The following UNC80 variants were observed in gnomAD, a reference collection of about 807,000 sequenced individuals.
UNC80 encodes the protein unc-80 subunit of NALCN channel complex.
UNC80 carries 164 observed loss-of-function variants against 384.6 expected under a neutral mutation model. That is an observed-to-expected ratio of 0.43 (90% CI 0.38 to 0.49). UNC80 has a LOEUF of 0.49. Ranked by LOEUF, UNC80 falls within the 20% of genes least tolerant of loss-of-function variation. The pLI, the probability that UNC80 is intolerant of heterozygous loss-of-function variation, is 0.00. For synonymous variants in UNC80, 1,486 were observed against 1,527.8 expected, an observed-to-expected ratio of 0.97 and a Z score of 0.64; for missense variants, 3,330 against 4,143.0, an observed-to-expected ratio of 0.80 and a Z score of 5.39.
chr2:209,973,775 G>T (rs1280471524), intron 56 of UNC80, among the ~76,000 whole-genome samples: 1 of 152,120 alleles, frequency 6.6e-6, no homozygotes, highest in Non-Finnish European at 1.5e-5. Context: ...CTGTATTTGG[G>T]CAGTCTACAT....
At chr2:209,863,685 C>T (rs112105473) in intron 22 of UNC80, among the ~76,000 whole-genome samples, 1,939 of 151,998 alleles carry the variant, frequency 0.013, 43 homozygotes, top group African/African-American at 0.043. Flanking sequence ...TCAGCTCCAT[C>T]AAGTCATTTA....
At chr2:209,948,066 AATTT>A (rs1256191158) in intron 47 of UNC80, among the ~76,000 whole-genome samples, 8 of 152,084 alleles carry the variant, frequency 5.3e-5, no homozygotes, top group African/African-American at 1.9e-4. Context: ...ACTATGTTAC[AATTT>A]ATTTATTTCT....
At chr2:209,800,405 T>A (rs2078464250) in intron 7 of UNC80, among the ~76,000 whole-genome samples, 1 of 152,012 alleles carries the variant, frequency 6.6e-6, no homozygotes, top group Non-Finnish European at 1.5e-5. Context: ...ATTGGTGATA[T>A]CCCCTTTATC....
At position 209,815,297 on chromosome 2, in the gene UNC80, G is replaced by T; in HGVS notation, c.1241G>T (p.Ser414Ile). 6.4e-7 allele frequency: 1 copy of T among 1,551,674 alleles called. No homozygotes were observed. Among genetic ancestry groups the T allele is most frequent in the Non-Finnish European group, 8.7e-7 (1 of 1,146,960 alleles). Reference sequence around the variant, plus strand: ...TGTAACGAGGAGGAAAAATCTCTTAGCTCTGAGGCCTTTTCCAAGGTTTCA... The same window carrying T: ...TGTAACGAGGAGGAAAAATCTCTTATCTCTGAGGCCTTTTCCAAGGTTTCA... Reference protein sequence around the residue: ...MKCNEEEKSLSSEAFSKVSLT... With the variant: ...MKCNEEEKSLISEAFSKVSLT... Residue 414 changes from serine to isoleucine, a missense_variant, in exon 9 of 65, where the codon AGC becomes ATC. Ser to Ile is a moderately radical substitution (Grantham distance 142). This residue lies in a region of UNC80 where 937 missense variants were observed against 1,026.8 expected (regional missense o/e 0.91). Coordinates refer to ENST00000673920, the MANE Select transcript of UNC80 (RefSeq NM_001371986.1).
intron 5 of UNC80, among the ~76,000 whole-genome samples, chr2:209,788,132 G>A (rs2077561190): frequency 6.6e-6 from 1 of 152,090 alleles, no homozygotes; most frequent in African/African-American, 2.4e-5. Flanking sequence ...AAACAAAAAA[G>A]TTGGCCGGGC....
chr2:209,906,002 C>G (rs1425858774), intron 29 of UNC80, among the ~76,000 whole-genome samples: 1 of 152,146 alleles, frequency 6.6e-6, no homozygotes, highest in Admixed American at 6.5e-5. Context: ...TTATATAACA[C>G]CTATTCATTT....
At chr2:209,809,698 G>T (rs2079192551) in intron 7 of UNC80, 6 of 500,286 alleles carry the variant, frequency 1.2e-5, no homozygotes, top group Non-Finnish European at 2.1e-5. Context: ...ATTCCCTCCT[G>T]AGCGCCCCCA....
rs551531572 is a variant in UNC80 at position 209,801,858 on chromosome 2, A to ATAC, written c.938+8005_938+8007dup. Among the ~76,000 whole-genome samples the ATAC allele has an allele frequency of 2.9e-3, 449 of 152,204 alleles. 1 individual carries two copies. Among genetic ancestry groups the ATAC allele is most frequent in the African/African-American group, 0.01 (422 of 41,546 alleles). On this transcript the variant is annotated intron_variant, in intron 7 of 64. Coordinates refer to ENST00000673920, the MANE Select transcript of UNC80 (RefSeq NM_001371986.1). ...ATATTAATACAATTTTTTAACCAAA[A>ATAC]TACTACTATCTTGCGCTTTAAAAAA... is the stretch of plus-strand genomic sequence containing the variant.
rs141425729 is a variant in UNC80 at position 209,856,280 on chromosome 2, G to A, written c.3627+6657G>A. 3.1e-3 allele frequency among the ~76,000 whole-genome samples: 465 copies of A among 151,924 alleles called. 2 individuals carry two copies. The highest frequency in any genetic ancestry group is 5.5e-3 in the Non-Finnish European group (372 of 67,910). The stretch of plus-strand genomic sequence containing the variant: ...GTAAAATATTTCATTTGTGTCTTTT[G>A]TTCATTCTCTTATTGGAAGATTATC... On this transcript the variant is annotated intron_variant, in intron 22 of 64. Coordinates refer to ENST00000673920, the MANE Select transcript of UNC80 (RefSeq NM_001371986.1).
chr2:209,950,460 T>G (rs2092118394), intron 47 of UNC80, among the ~76,000 whole-genome samples: 1 of 152,090 alleles, frequency 6.6e-6, no homozygotes, highest in Admixed American at 6.5e-5. Context: ...AGTTTTCCCT[T>G]TACGAATAAC....
At chr2:209,794,833 T>A (rs1384980784) in intron 7 of UNC80, 1 of 454,042 alleles carries the variant, frequency 2.2e-6, no homozygotes, top group Non-Finnish European at 4.4e-6. Context: ...TGAGGCCTTC[T>A]CAGCCATGTG....
chr2:209,995,726 T>A lies in UNC80; in HGVS notation c.*131T>A. On this transcript the variant is annotated 3_prime_UTR_variant, in exon 65 of 65. Coordinates refer to ENST00000673920, the MANE Select transcript of UNC80 (RefSeq NM_001371986.1). Reference sequence around the variant, plus strand: ...TTACTTCTAATGGGTGGCACAAATCTGAATAGGTTTTGCTGCCAATACACA... The same window carrying A: ...TTACTTCTAATGGGTGGCACAAATCAGAATAGGTTTTGCTGCCAATACACA... The A allele has an allele frequency of 9.1e-7, 1 of 1,101,740 alleles. No individual in the cohort carries two copies. The highest frequency in any genetic ancestry group is 1.3e-6 in the Non-Finnish European group (1 of 786,606). 68.2% of individuals were successfully genotyped at this position (1,101,740 alleles called of 1,614,324 possible). A position where few individuals can be genotyped will look rare whatever the true frequency, so the allele number is the denominator to read the frequency against.
chr2:209,939,213 T>C (rs1171957673), intron 42 of UNC80, among the ~76,000 whole-genome samples: 1 of 152,170 alleles, frequency 6.6e-6, no homozygotes, highest in Non-Finnish European at 1.5e-5. Flanking sequence ...GCTTGCCTTA[T>C]GCTCCTCTCC....
intron 28 of UNC80, among the ~76,000 whole-genome samples, chr2:209,900,401 TTGA>T (rs987322311): frequency 3.9e-5 from 6 of 152,202 alleles, no homozygotes; most frequent in African/African-American, 1.2e-4. Flanking sequence ...TCAGTGATCC[TTGA>T]TGATATTATT....
At chr2:209,798,923 A>G (rs1428407493) in intron 7 of UNC80, among the ~76,000 whole-genome samples, 2 of 147,394 alleles carry the variant, frequency 1.4e-5, no homozygotes, top group Non-Finnish European at 3.0e-5. Flanking sequence ...TGACCTTGTG[A>G]TCCGCCCACC....
At chr2:209,874,115 T>C (rs2084556843) in intron 23 of UNC80, among the ~76,000 whole-genome samples, 1 of 152,210 alleles carries the variant, frequency 6.6e-6, no homozygotes, top group African/African-American at 2.4e-5. Flanking sequence ...TTCTCCTATG[T>C]AATATCTATT....
intron 22 of UNC80, among the ~76,000 whole-genome samples, chr2:209,857,037 A>G (rs7594368): frequency 0.18 from 26,784 of 151,874 alleles, 3,225 homozygotes; most frequent in African/African-American, 0.34. Flanking sequence ...TAATCCACCC[A>G]CCTTGCCTTC....
chr2:209,790,544 T>C (rs1305608948), intron 6 of UNC80, among the ~76,000 whole-genome samples: 2 of 152,208 alleles, frequency 1.3e-5, no homozygotes, highest in African/African-American at 4.8e-5. Flanking sequence ...GTAGCTGTCT[T>C]GATATGGTTG....
intron 45 of UNC80, among the ~76,000 whole-genome samples, chr2:209,943,848 T>C (rs1458427991): frequency 6.6e-6 from 1 of 152,188 alleles, no homozygotes; most frequent in Non-Finnish European, 1.5e-5. Context: ...TCAGTTATTA[T>C]GCCAGTCCTG....
Sources: gnomAD v4.1 joint callset for allele counts (sites outside exome capture counted in the v4.1 genomes callset) on GRCh38, gnomAD v4.1.1 for gene constraint, gnomAD v4.1.1 regional missense constraint, MANE v1.5 for transcripts, NCBI Gene and HGNC (gene_info 2026-07-23, HGNC 2026-07-21) for gene names.